The following ANKHD1 variants were observed in gnomAD, a reference collection of about 807,000 sequenced individuals.
ANKHD1 encodes the protein ankyrin repeat and KH domain-containing protein 1.
Under a neutral mutation model 230.5 loss-of-function variants are expected in ANKHD1, and 31 were observed. The observed-to-expected ratio is 0.13, with a 90% CI of 0.10 to 0.18. ANKHD1 has a LOEUF of 0.18. Among genes scored for constraint, ANKHD1 ranks in the 10% least tolerant of loss-of-function variants. The pLI is 1.00. For missense variants in ANKHD1, 2,256 were observed against 3,071.3 expected (o/e 0.73, Z 6.27); for synonymous variants, 1,074 against 1,117.6 (o/e 0.96, Z 0.78).
chr5:140,517,981 C>T (rs1753118729), intron 24 of ANKHD1, among the ~76,000 whole-genome samples: 1 of 151,904 alleles, frequency 6.6e-6, no homozygotes, highest in Admixed American at 6.6e-5. Context: ...AAAAACCCTT[C>T]AAAAAATTAA....
At chr5:140,500,698 T>G (rs901468049) in intron 15 of ANKHD1, among the ~76,000 whole-genome samples, 1 of 149,020 alleles carries the variant, frequency 6.7e-6, no homozygotes, top group African/African-American at 2.5e-5. Context: ...TTAGGGAAAT[T>G]AAGTTGCTAG....
chr5:140,497,356 T>G, intron 15 of ANKHD1, 78 bp downstream of exon 15: 1 of 1,500,306 alleles, frequency 6.7e-7, no homozygotes, highest in Non-Finnish European at 8.8e-7. Context: ...TCCAAAAACG[T>G]AGACTTTGTA....
intron 5 of ANKHD1, among the ~76,000 whole-genome samples, chr5:140,443,645 C>T (rs1774041665): frequency 6.7e-6 from 1 of 149,438 alleles, no homozygotes; most frequent in Non-Finnish European, 1.5e-5. Flanking sequence ...GAGCCGAGAT[C>T]GTGTCGCCTG....
At chr5:140,467,759 A>G (rs1279415051) in intron 10 of ANKHD1, among the ~76,000 whole-genome samples, 1 of 152,210 alleles carries the variant, frequency 6.6e-6, no homozygotes, top group Non-Finnish European at 1.5e-5. Flanking sequence ...AGAGGAAAGA[A>G]AAAGTTCTAG....
chr5:140,476,910 A>G (rs536464302), intron 10 of ANKHD1, among the ~76,000 whole-genome samples: 2 of 152,300 alleles, frequency 1.3e-5, no homozygotes, highest in South Asian at 2.1e-4. Flanking sequence ...AAGCCACGCT[A>G]GAGTCTTTTG....
intron 1 of ANKHD1, among the ~76,000 whole-genome samples, chr5:140,406,248 A>T (rs1043487427): frequency 1.8e-4 from 27 of 152,126 alleles, no homozygotes; most frequent in Middle Eastern, 6.8e-3. Context: ...AAAAAAAAAA[A>T]AAAATAAATT....
At chr5:140,487,381 TTAGC>T (rs1751557986) in intron 14 of ANKHD1, among the ~76,000 whole-genome samples, 1 of 152,192 alleles carries the variant, frequency 6.6e-6, no homozygotes, top group Non-Finnish European at 1.5e-5. Context: ...TGATAATTCT[TTAGC>T]TAACCAATAG....
At chr5:140,424,994 T>C (rs2126881727) in intron 1 of ANKHD1, among the ~76,000 whole-genome samples, 1 of 152,356 alleles carries the variant, frequency 6.6e-6, no homozygotes, top group African/African-American at 2.4e-5. Context: ...ATGAGACATT[T>C]TATTAATGGT....
At chr5:140,404,971 G>C (rs1180097699) in intron 1 of ANKHD1, among the ~76,000 whole-genome samples, 28 of 2,922 alleles carry the variant, frequency 9.6e-3, no homozygotes, top group Admixed American at 0.053. Context: ...GCATGTCTGT[G>C]TGTGTGTGTG....
intron 24 of ANKHD1, among the ~76,000 whole-genome samples, chr5:140,518,964 G>T (rs897388410): frequency 4.6e-5 from 7 of 151,996 alleles, no homozygotes; most frequent in African/African-American, 1.7e-4. Flanking sequence ...GGAAATAAAG[G>T]GTATTCAATT....
chr5:140,500,448 A>G (rs996205243), intron 15 of ANKHD1, among the ~76,000 whole-genome samples: 1 of 151,922 alleles, frequency 6.6e-6, no homozygotes, highest in Non-Finnish European at 1.5e-5. Flanking sequence ...TCAGGAGTTC[A>G]AGACCAGCCT....
At chr5:140,461,600 G>GTCTAATTCATGGCCAATCTTATTTCA (rs1775708810) in intron 9 of ANKHD1, among the ~76,000 whole-genome samples, 1 of 152,048 alleles carries the variant, frequency 6.6e-6, no homozygotes, top group Non-Finnish European at 1.5e-5. Flanking sequence ...TAACATGAAT[G>GTCTAATTCATGGCCAATCTTATTTCA]TCTAATTCAT....
intron 1 of ANKHD1, among the ~76,000 whole-genome samples, chr5:140,402,842 C>T (rs572567018): frequency 6.6e-6 from 1 of 151,970 alleles, no homozygotes; most frequent in Non-Finnish European, 1.5e-5. Flanking sequence ...CCTTCTGGGA[C>T]CTTTTGTGAA....
At chr5:140,422,299 T>G (rs904243290) in intron 1 of ANKHD1, among the ~76,000 whole-genome samples, 1 of 152,016 alleles carries the variant, frequency 6.6e-6, no homozygotes, top group African/African-American at 2.4e-5. Flanking sequence ...ATTTTTTGTA[T>G]TTCTTAGGAG....
At chr5:140,477,857 G>C (rs1331776737) in intron 10 of ANKHD1, among the ~76,000 whole-genome samples, 1 of 152,044 alleles carries the variant, frequency 6.6e-6, no homozygotes, top group Non-Finnish European at 1.5e-5. Context: ...TGATCCACCC[G>C]CCTCGGCCTC....
chr5:140,468,924 A>G (rs189153912), intron 10 of ANKHD1, among the ~76,000 whole-genome samples: 2 of 152,312 alleles, frequency 1.3e-5, no homozygotes, highest in East Asian at 3.9e-4. Context: ...TGCTGGTTAT[A>G]GGGAAATATT....
chr5:140,538,207 C>A lies in ANKHD1; in HGVS notation c.7350C>A (p.Ala2450=), dbSNP rs575326900. The change falls in exon 32 of 34, where the codon GCC becomes GCA. Residue 2450 remains alanine (A), a synonymous_variant. Transcript: ENST00000360839. ...PMERDDSGMV[A]PSNIFHQPMA... The stretch of plus-strand genomic sequence containing the variant: ...AGAGAGATGATTCTGGAATGGTAGC[C>A]CCCTCTAACATTTTTCATCAGCCTA... The A allele has an allele frequency of 6.2e-6, 10 of 1,613,974 alleles. No individual in the cohort carries two copies. The highest frequency in any genetic ancestry group is 7.6e-6 in the Non-Finnish European group (9 of 1,179,978).
chr5:140,402,553 C>T (rs902736230), intron 1 of ANKHD1, among the ~76,000 whole-genome samples: 1 of 152,186 alleles, frequency 6.6e-6, no homozygotes, highest in Non-Finnish European at 1.5e-5. Flanking sequence ...CTGCCTCCCG[C>T]CCACCCTGCT....
intron 10 of ANKHD1, among the ~76,000 whole-genome samples, chr5:140,481,539 C>T (rs978495385): frequency 1.3e-5 from 2 of 151,818 alleles, no homozygotes; most frequent in African/African-American, 4.8e-5. Context: ...GTGAGGTTTC[C>T]ATTGAGTTGA....
Sources: allele counts gnomAD v4.1 joint callset (sites outside exome capture counted in the v4.1 genomes callset), GRCh38; gene constraint gnomAD v4.1.1; transcripts MANE v1.5; gene names NCBI Gene and HGNC (gene_info 2026-07-23, HGNC 2026-07-21).